Variants in GNAQ observed in about 807,000 individuals in gnomAD.
GNAQ encodes guanine nucleotide-binding protein G(q) subunit alpha.
A neutral mutation model predicts 43.9 loss-of-function variants in GNAQ; 8 were observed. The observed-to-expected ratio is 0.18, with a 90% CI of 0.11 to 0.33. GNAQ has a LOEUF of 0.33. Ranked by LOEUF, GNAQ falls within the 10% of genes least tolerant of loss-of-function variation. GNAQ has a pLI of 1.00. For missense variants in GNAQ, 158 were observed against 450.8 expected (o/e 0.35, Z 5.88); for synonymous variants, 155 against 170.7 (o/e 0.91, Z 0.71).
intron 2 of GNAQ, among the ~76,000 whole-genome samples, chr9:77,896,457 G>A (rs936637149): frequency 1.3e-5 from 2 of 152,092 alleles, no homozygotes; most frequent in Non-Finnish European, 2.9e-5. Flanking sequence ...AGTCCTATCT[G>A]TCCTAAAGCT....
At chr9:78,028,881 A>T (rs1277095281) in intron 1 of GNAQ, among the ~76,000 whole-genome samples, 1 of 151,236 alleles carries the variant, frequency 6.6e-6, no homozygotes, top group African/African-American at 2.4e-5. Context: ...ATATTACTAC[A>T]GAAATAGTGT....
At chr9:77,869,638 G>C (rs960922070) in intron 2 of GNAQ, among the ~76,000 whole-genome samples, 2 of 152,090 alleles carry the variant, frequency 1.3e-5, no homozygotes, top group African/African-American at 4.8e-5. Flanking sequence ...AATGCTTCTA[G>C]GATAAAATCC....
chr9:77,949,905 C>T (rs1822955062), intron 1 of GNAQ, among the ~76,000 whole-genome samples: 1 of 152,070 alleles, frequency 6.6e-6, no homozygotes, highest in Admixed American at 6.6e-5. Context: ...GTCTTGAATC[C>T]TTGGAAGAAG....
At chr9:77,981,946 A>T (rs1222464945) in intron 1 of GNAQ, among the ~76,000 whole-genome samples, 3 of 152,232 alleles carry the variant, frequency 2.0e-5, no homozygotes, top group African/African-American at 7.2e-5. Flanking sequence ...TTAACAATTA[A>T]CTGACTTGAT....
At chr9:77,988,729 A>C (rs1019602944) in intron 1 of GNAQ, among the ~76,000 whole-genome samples, 6 of 152,222 alleles carry the variant, frequency 3.9e-5, no homozygotes. Context: ...AGGCTTTGTC[A>C]AACACATGTT....
intron 1 of GNAQ, among the ~76,000 whole-genome samples, chr9:78,007,881 T>G (rs1036120375): frequency 6.6e-6 from 1 of 152,178 alleles, no homozygotes; most frequent in African/African-American, 2.4e-5. Flanking sequence ...CTTAACTAGA[T>G]TTAAGATGGT....
At chr9:77,855,124 C>G (rs114744465) in intron 2 of GNAQ, among the ~76,000 whole-genome samples, 2,258 of 152,152 alleles carry the variant, frequency 0.015, 65 homozygotes, top group African/African-American at 0.05. Context: ...CACTACCTTG[C>G]ATCACAAGAA....
At chr9:77,842,575 T>C (rs1376974837) in intron 2 of GNAQ, among the ~76,000 whole-genome samples, 1 of 152,188 alleles carries the variant, frequency 6.6e-6, no homozygotes, top group Non-Finnish European at 1.5e-5. Flanking sequence ...GAAGACTGCC[T>C]AGAGAGACAG....
At chr9:78,019,419 G>A (rs993084497) in intron 1 of GNAQ, among the ~76,000 whole-genome samples, 4 of 152,186 alleles carry the variant, frequency 2.6e-5, no homozygotes, top group African/African-American at 4.8e-5. Flanking sequence ...CCATGTCAGA[G>A]CCAAACTTGA....
chr9:77,801,751 AAAC>A (rs1826745395), intron 3 of GNAQ, among the ~76,000 whole-genome samples: 1 of 152,220 alleles, frequency 6.6e-6, no homozygotes, highest in Admixed American at 6.5e-5. Context: ...AGGCAAAGAA[AAAC>A]AACAAAACCT....
At chr9:78,009,085 C>T (rs1823742965) in intron 1 of GNAQ, among the ~76,000 whole-genome samples, 1 of 152,190 alleles carries the variant, frequency 6.6e-6, no homozygotes, top group African/African-American at 2.4e-5. Flanking sequence ...ATCTATTTGG[C>T]TGTAAAGTAA....
chr9:77,970,374 GT>G (rs1182491006), intron 1 of GNAQ, among the ~76,000 whole-genome samples: 2 of 152,116 alleles, frequency 1.3e-5, no homozygotes, highest in Admixed American at 1.3e-4. Context: ...TTGATTCAGT[GT>G]TATCAAAAAG....
intron 1 of GNAQ, among the ~76,000 whole-genome samples, chr9:77,958,645 T>C (rs1028891499): frequency 6.6e-6 from 1 of 152,228 alleles, no homozygotes; most frequent in Admixed American, 6.5e-5. Context: ...CCATCATTTC[T>C]TTGCCAAGAT....
intron 1 of GNAQ, among the ~76,000 whole-genome samples, chr9:78,008,864 A>T (rs933838917): frequency 4.6e-5 from 7 of 152,138 alleles, no homozygotes; most frequent in Non-Finnish European, 8.8e-5. Context: ...TGATCCGCCC[A>T]CCTCGGCCTC....
chr9:77,992,908 A>T (rs1025358107), intron 1 of GNAQ, among the ~76,000 whole-genome samples: 1 of 152,156 alleles, frequency 6.6e-6, no homozygotes, highest in Non-Finnish European at 1.5e-5. Context: ...TCAAGCCACT[A>T]TTCTCCAGCC....
intron 1 of GNAQ, among the ~76,000 whole-genome samples, chr9:77,992,995 AT>A (rs2118527959): frequency 6.6e-6 from 1 of 152,268 alleles, no homozygotes; most frequent in African/African-American, 2.4e-5. Context: ...AATTTTTATT[AT>A]TTTTCTATTG....
At chr9:77,983,935 G>A (rs920313378) in intron 1 of GNAQ, among the ~76,000 whole-genome samples, 7 of 150,478 alleles carry the variant, frequency 4.7e-5, no homozygotes, top group African/African-American at 1.5e-4. Flanking sequence ...GCTCAGAACT[G>A]AGGGATACAG....
At chr9:77,874,258 T>C (rs948670448) in intron 2 of GNAQ, among the ~76,000 whole-genome samples, 4 of 152,176 alleles carry the variant, frequency 2.6e-5, no homozygotes, top group Admixed American at 1.3e-4. Context: ...TTCCCTTGGG[T>C]AAGTCCATAA....
At chr9:77,754,765 C>T (rs1171332505) in intron 5 of GNAQ, among the ~76,000 whole-genome samples, 4 of 152,092 alleles carry the variant, frequency 2.6e-5, no homozygotes, top group African/African-American at 4.8e-5. Flanking sequence ...AACCCTCATG[C>T]GTTATTGGTA....
Sources: gnomAD v4.1 joint callset for allele counts (sites outside exome capture counted in the v4.1 genomes callset) on GRCh38, gnomAD v4.1.1 for gene constraint, MANE v1.5 for transcripts, NCBI Gene and HGNC (gene_info 2026-07-23, HGNC 2026-07-21) for gene names.